The following MAGI2 variants were observed in gnomAD, a reference collection of about 807,000 sequenced individuals.
MAGI2 encodes membrane associated guanylate kinase, WW and PDZ domain containing 2.
In MAGI2, 35 loss-of-function variants were observed where a neutral mutation model predicts 133.3. That is an observed-to-expected ratio of 0.26 (90% CI 0.20 to 0.35). The LOEUF is 0.35. Ranked by LOEUF, MAGI2 falls within the 10% of genes least tolerant of loss-of-function variation. The probability of loss-of-function intolerance (pLI) is 1.00; values close to 1 mark genes in which losing one functional copy is unlikely to be tolerated. For missense variants in MAGI2, 1,636 were observed against 1,863.4 expected, an observed-to-expected ratio of 0.88 and a Z score of 2.25; for synonymous variants, 729 against 710.6, an observed-to-expected ratio of 1.03 and a Z score of -0.41.
rs11332610 is a variant in MAGI2, at chr7:78,311,773, C to CT, written c.1408+32004dup. Among the ~76,000 whole-genome samples, 788 of 138,954 alleles carry CT rather than the reference C, an allele frequency of 5.7e-3. 3 individuals carry two copies. The highest frequency in any genetic ancestry group is 0.015 in the African/African-American group (585 of 38,036). 91.2% of individuals were successfully genotyped at this position (138,954 alleles called of 152,430 possible). ...CAAACTTATGACACTTTCACAAATT[C>CT]TTTTTTTTTTTTTTTGAGACAGGAT... On this transcript the variant is annotated intron_variant, in intron 9 of 21. Transcript: ENST00000354212.
intron 1 of MAGI2, among the ~76,000 whole-genome samples, chr7:79,147,177 C>T (rs1238198484): frequency 6.6e-6 from 1 of 152,096 alleles, no homozygotes; most frequent in African/African-American, 2.4e-5. Flanking sequence ...TTAATACATG[C>T]AAAGAATCAT....
chr7:78,431,491 G>C (rs1799792233), intron 6 of MAGI2, among the ~76,000 whole-genome samples: 1 of 152,072 alleles, frequency 6.6e-6, no homozygotes, highest in Non-Finnish European at 1.5e-5. Context: ...TATTGGCTTT[G>C]CAAATCACAT....
intron 2 of MAGI2, among the ~76,000 whole-genome samples, chr7:79,004,509 TAAAAG>T (rs1261547842): frequency 6.6e-6 from 1 of 152,172 alleles, no homozygotes; most frequent in Non-Finnish European, 1.5e-5. Context: ...TACAGTTAGA[TAAAAG>T]ATAGAAGTTC....
At chr7:79,242,014 T>A (rs572328912) in intron 1 of MAGI2, among the ~76,000 whole-genome samples, 1 of 152,184 alleles carries the variant, frequency 6.6e-6, no homozygotes, top group Non-Finnish European at 1.5e-5. Flanking sequence ...GGAGGCTGAT[T>A]TGAGTAATAA....
intron 21 of MAGI2, among the ~76,000 whole-genome samples, chr7:78,037,876 AG>A (rs1445694076): frequency 6.6e-6 from 1 of 152,196 alleles, no homozygotes; most frequent in Non-Finnish European, 1.5e-5. Context: ...TCTTTCGTTC[AG>A]TACCTTTGCT....
intron 18 of MAGI2, among the ~76,000 whole-genome samples, chr7:78,132,275 A>G (rs1821637760): frequency 6.6e-6 from 1 of 152,214 alleles, no homozygotes; most frequent in Non-Finnish European, 1.5e-5. Context: ...GGACGTCTGC[A>G]GCCACCTCCT....
chr7:78,443,374 C>A (rs1787809600), intron 6 of MAGI2, among the ~76,000 whole-genome samples: 3 of 152,040 alleles, frequency 2.0e-5, no homozygotes, highest in Admixed American at 2.0e-4. Context: ...AAATTCGAAA[C>A]CCTGCTTCTG....
chr7:78,252,155 AAAAG>A (rs1792458093), intron 10 of MAGI2: 2 of 151,746 alleles, frequency 1.3e-5, no homozygotes, highest in African/African-American at 4.8e-5. Flanking sequence ...AAAAAAAAAA[AAAAG>A]GAACAATGCA....
chr7:79,056,930 T>C (rs1813198754), intron 1 of MAGI2, among the ~76,000 whole-genome samples: 3 of 152,218 alleles, frequency 2.0e-5, no homozygotes, highest in Admixed American at 2.0e-4. Context: ...TTTTTCTAGA[T>C]ATTTTCCTTC....
chr7:79,149,722 T>C (rs1562941799), intron 1 of MAGI2, among the ~76,000 whole-genome samples: 1 of 152,154 alleles, frequency 6.6e-6, no homozygotes, highest in Non-Finnish European at 1.5e-5. Context: ...GGTAGGAATA[T>C]CTGGCAGGAA....
chr7:78,921,775 G>A (rs1183862750), intron 2 of MAGI2, among the ~76,000 whole-genome samples: 1 of 152,012 alleles, frequency 6.6e-6, no homozygotes, highest in Non-Finnish European at 1.5e-5. Context: ...GGGACTACAG[G>A]CACACACAAT....
chr7:78,268,252 A>T (rs1473823375), intron 9 of MAGI2, among the ~76,000 whole-genome samples: 1 of 152,112 alleles, frequency 6.6e-6, no homozygotes, highest in African/African-American at 2.4e-5. Context: ...AATCTTAACC[A>T]TGTGGTGGCA....
chr7:79,180,283 T>C (rs569216481), intron 1 of MAGI2, among the ~76,000 whole-genome samples: 1 of 152,144 alleles, frequency 6.6e-6, no homozygotes, highest in Admixed American at 6.6e-5. Context: ...AGTATTAGTC[T>C]GTTTTCATGC....
At chr7:79,045,774 A>C (rs1812120250) in intron 1 of MAGI2, among the ~76,000 whole-genome samples, 1 of 152,186 alleles carries the variant, frequency 6.6e-6, no homozygotes, top group South Asian at 2.1e-4. Context: ...CCTGGGTGAA[A>C]GAGCAAGACT....
intron 2 of MAGI2, among the ~76,000 whole-genome samples, chr7:78,633,087 T>C (rs533342090): frequency 6.6e-6 from 1 of 152,364 alleles, no homozygotes; most frequent in South Asian, 2.1e-4. Context: ...GCATGTATTC[T>C]ATGGGAACAT....
chr7:79,305,192 C>T (rs936666016), intron 1 of MAGI2, among the ~76,000 whole-genome samples: 1 of 152,122 alleles, frequency 6.6e-6, no homozygotes, highest in Admixed American at 6.5e-5. Context: ...CTAGTGGCAG[C>T]CTAGTAGAGC....
chr7:78,580,712 G>A (rs1390902023), intron 3 of MAGI2, among the ~76,000 whole-genome samples: 3 of 152,156 alleles, frequency 2.0e-5, no homozygotes, highest in African/African-American at 4.8e-5. Flanking sequence ...TGATGCCTAC[G>A]TATAGCCCAT....
At chr7:79,378,961 T>C (rs975583481) in intron 1 of MAGI2, among the ~76,000 whole-genome samples, 1 of 102,984 alleles carries the variant, frequency 9.7e-6, no homozygotes, top group African/African-American at 3.6e-5. Flanking sequence ...TATATATATA[T>C]ATATATATAT....
At chr7:78,044,571 C>T (rs1408847059) in intron 21 of MAGI2, among the ~76,000 whole-genome samples, 1 of 151,920 alleles carries the variant, frequency 6.6e-6, no homozygotes, top group Admixed American at 6.6e-5. Flanking sequence ...CTGTGAAATC[C>T]TTAATTCATT....
Sources: gnomAD v4.1 joint callset for allele counts (sites outside exome capture counted in the v4.1 genomes callset) on GRCh38, gnomAD v4.1.1 for gene constraint, MANE v1.5 for transcripts, NCBI Gene and HGNC (gene_info 2026-07-23, HGNC 2026-07-21) for gene names.